The following CPNE4 variants were observed in gnomAD, a reference collection of about 807,000 sequenced individuals.
The protein encoded by CPNE4 is copine-4.
Under a neutral mutation model 67.9 loss-of-function variants are expected in CPNE4, and 25 were observed. The observed-to-expected ratio is 0.37, with a 90% CI of 0.27 to 0.51. The LOEUF is 0.51. Among genes scored for constraint, CPNE4 ranks in the 20% least tolerant of loss-of-function variants. CPNE4 has a pLI of 0.93. For synonymous variants in CPNE4, 242 were observed against 244.9 expected (o/e 0.99, Z 0.11); for missense variants, 464 against 690.8 (o/e 0.67, Z 3.68).
At chr3:131,747,118 G>GGT (rs1560230371) in intron 2 of CPNE4, among the ~76,000 whole-genome samples, 36 of 142,728 alleles carry the variant, frequency 2.5e-4, no homozygotes, top group Admixed American at 2.8e-4. Context: ...TTAAAATCAT[G>GGT]TTTTTTTTTT....
At chr3:131,682,750 G>T (rs372970076) in intron 6 of CPNE4, among the ~76,000 whole-genome samples, 3 of 152,010 alleles carry the variant, frequency 2.0e-5, no homozygotes, top group African/African-American at 7.2e-5. Flanking sequence ...TCCCAGGCAG[G>T]TCCAGAAATG....
At chr3:131,721,463 T>C (rs2081884771) in intron 3 of CPNE4, among the ~76,000 whole-genome samples, 1 of 147,052 alleles carries the variant, frequency 6.8e-6, no homozygotes, top group South Asian at 2.2e-4. Context: ...TGGCACGATC[T>C]CGGCTCACTG....
chr3:131,792,184 CTCATA>C (rs779774675), intron 2 of CPNE4, among the ~76,000 whole-genome samples: 4 of 151,782 alleles, frequency 2.6e-5, no homozygotes, highest in Non-Finnish European at 4.4e-5. Flanking sequence ...TTGCCCCCCT[CTCATA>C]TATGTTTCCA....
chr3:131,891,514 A>C (rs760559068), intron 2 of CPNE4, among the ~76,000 whole-genome samples: 15 of 151,826 alleles, frequency 9.9e-5, no homozygotes, highest in Non-Finnish European at 1.9e-4. Flanking sequence ...GGATTATTTC[A>C]TCACCCAGGT....
At chr3:131,924,479 T>C (rs2070837869) in intron 1 of CPNE4, among the ~76,000 whole-genome samples, 1 of 152,120 alleles carries the variant, frequency 6.6e-6, no homozygotes. Context: ...TATCTTGAAA[T>C]GTGTATAGCA....
chr3:131,577,922 A>G (rs1270767368), intron 9 of CPNE4, among the ~76,000 whole-genome samples: 2 of 152,146 alleles, frequency 1.3e-5, no homozygotes, highest in East Asian at 3.9e-4. Context: ...ACATAAATAC[A>G]TGTATATACA....
rs145505394 is a variant in CPNE4 at position 131,763,417 on chromosome 3, C to T, written c.181-39792G>A. Among the ~76,000 whole-genome samples the T allele has an allele frequency of 1.2e-3, 183 of 152,198 alleles. 1 individual carries two copies. The highest frequency in any genetic ancestry group is 3.7e-3 in the African/African-American group (155 of 41,540). On this transcript the variant is annotated intron_variant, in intron 2 of 15. Transcript: ENST00000429747. ...CAAATCTTCCATGTGTTTCTGGAGA[C>T]GTCGCAGTGTAATTTAGCTCAAGTT...
chr3:131,572,129 C>T (rs1937367512), intron 10 of CPNE4, among the ~76,000 whole-genome samples: 1 of 151,992 alleles, frequency 6.6e-6, no homozygotes, highest in Non-Finnish European at 1.5e-5. Context: ...CTTTAACACT[C>T]TTAAGATTGA....
At chr3:131,614,231 C>A (rs1478073727) in intron 7 of CPNE4, among the ~76,000 whole-genome samples, 1 of 152,168 alleles carries the variant, frequency 6.6e-6, no homozygotes, top group Non-Finnish European at 1.5e-5. Context: ...CCCAACATGT[C>A]CCCAGCATGT....
chr3:131,782,430 T>C (rs1233720897), intron 2 of CPNE4, among the ~76,000 whole-genome samples: 1 of 152,062 alleles, frequency 6.6e-6, no homozygotes, highest in Non-Finnish European at 1.5e-5. Flanking sequence ...TTTAGACATA[T>C]ATAAATTCAG....
At chr3:132,034,354 T>C (rs1283807830) in intron 1 of CPNE4, among the ~76,000 whole-genome samples, 1 of 152,160 alleles carries the variant, frequency 6.6e-6, no homozygotes, top group Admixed American at 6.5e-5. Flanking sequence ...GTTGGGTGGA[T>C]GTCAGAAGGC....
intron 1 of CPNE4, among the ~76,000 whole-genome samples, chr3:131,945,737 T>G (rs929016071): frequency 6.6e-6 from 1 of 152,156 alleles, no homozygotes; most frequent in Non-Finnish European, 1.5e-5. Context: ...TGTCTATTTC[T>G]CTCCTGGCAT....
chr3:132,005,399 T>C (rs1223901555), intron 1 of CPNE4, among the ~76,000 whole-genome samples: 1 of 143,688 alleles, frequency 7.0e-6, no homozygotes, highest in African/African-American at 2.6e-5. Context: ...CTATCATATA[T>C]ATATAATAGC....
chr3:131,963,053 G>A (rs115209547), intron 1 of CPNE4, among the ~76,000 whole-genome samples: 3,317 of 152,078 alleles, frequency 0.022, 124 homozygotes, highest in African/African-American at 0.075. Context: ...AGAGGTACCC[G>A]GTTCATCTGA....
intron 8 of CPNE4, among the ~76,000 whole-genome samples, chr3:131,583,842 G>T (rs562857810): frequency 6.6e-6 from 1 of 152,242 alleles, no homozygotes; most frequent in African/African-American, 2.4e-5. Flanking sequence ...TTGACAGATG[G>T]AAGATGAGGC....
intron 2 of CPNE4, among the ~76,000 whole-genome samples, chr3:131,812,800 T>C (rs965057078): frequency 1.2e-4 from 18 of 151,998 alleles, no homozygotes; most frequent in African/African-American, 4.1e-4. Flanking sequence ...ATACGTACAG[T>C]GTTGTGGGGA....
intron 2 of CPNE4, among the ~76,000 whole-genome samples, chr3:131,848,911 T>G (rs2107637920): frequency 7.0e-6 from 1 of 143,782 alleles, no homozygotes; most frequent in South Asian, 2.2e-4. Flanking sequence ...AAGAAGGCGT[T>G]TTTTTTTCAT....
chr3:131,807,767 T>C (rs2084373845), intron 2 of CPNE4, among the ~76,000 whole-genome samples: 1 of 152,128 alleles, frequency 6.6e-6, no homozygotes, highest in African/African-American at 2.4e-5. Flanking sequence ...TTAAAATATA[T>C]TTTTTAAAAT....
chr3:131,713,725 C>T (rs147627886), intron 3 of CPNE4, among the ~76,000 whole-genome samples: 35 of 152,192 alleles, frequency 2.3e-4, no homozygotes, highest in Non-Finnish European at 4.6e-4. Context: ...AAGGAGGACT[C>T]CAGAGAAAGC....
Sources: allele counts gnomAD v4.1 joint callset (sites outside exome capture counted in the v4.1 genomes callset), GRCh38; gene constraint gnomAD v4.1.1; transcripts MANE v1.5; gene names NCBI Gene and HGNC (gene_info 2026-07-23, HGNC 2026-07-21).